CYP39A1: variants seen among roughly 807,000 people sequenced by gnomAD.
The protein encoded by CYP39A1 is cytochrome P450 family 39 subfamily A member 1, also known as 24-hydroxycholesterol 7-alpha-hydroxylase.
A neutral mutation model predicts 58.1 loss-of-function variants in CYP39A1; 49 were observed. The ratio of observed to expected loss-of-function variants is 0.84; its 90% CI spans 0.67 to 1.07. CYP39A1 has a LOEUF of 1.07. Ranked by LOEUF, CYP39A1 falls within the 50% of genes least tolerant of loss-of-function variation. The probability of loss-of-function intolerance (pLI) is 0.00; values close to 1 mark genes in which losing one functional copy is unlikely to be tolerated. For missense variants in CYP39A1, 531 were observed against 539.4 expected, an observed-to-expected ratio of 0.98 and a Z score of 0.16; for synonymous variants, 209 against 187.6, an observed-to-expected ratio of 1.11 and a Z score of -0.93.
intron 1 of CYP39A1, among the ~76,000 whole-genome samples, chr6:46,646,554 G>A (rs961892892): frequency 6.6e-6 from 1 of 152,018 alleles, no homozygotes; most frequent in Admixed American, 6.6e-5. Flanking sequence ...TGTGGTTTGA[G>A]ATCAAGGTAA....
chr6:46,604,203 C>T (rs1445781073), intron 7 of CYP39A1, among the ~76,000 whole-genome samples: 13 of 152,182 alleles, frequency 8.5e-5, no homozygotes, highest in Admixed American at 8.5e-4. Context: ...AATCAATTCC[C>T]TGATACTCAA....
intron 10 of CYP39A1, chr6:46,583,560 C>A: frequency 1.3e-5 from 13 of 985,392 alleles, no homozygotes; most frequent in Non-Finnish European, 1.6e-5. Context: ...GTGGTTCATG[C>A]TGCTCTTTCC....
intron 7 of CYP39A1, among the ~76,000 whole-genome samples, chr6:46,616,928 G>T (rs1426168792): frequency 6.6e-6 from 1 of 152,144 alleles, no homozygotes; most frequent in African/African-American, 2.4e-5. Flanking sequence ...TGGAGAAAGA[G>T]AAGTTGAACC....
chr6:46,550,090 C>T lies in CYP39A1; in HGVS notation c.*276G>A. The T allele has an allele frequency of 3.3e-6, 1 of 299,148 alleles. No homozygotes were observed. The highest frequency in any genetic ancestry group is 5.6e-5 in the East Asian group (1 of 17,824). The allele number at this position is 299,148 out of a possible 1,614,324, so 18.5% of individuals were successfully genotyped here. On this transcript the variant is annotated 3_prime_UTR_variant, in exon 12 of 12. Transcript: ENST00000275016. ...GTTTTAATACAGTTATGCATGAAAT[C>T]AAATTCCAACTTCTTAAAAAATGTG...
intron 4 of CYP39A1, among the ~76,000 whole-genome samples, chr6:46,636,770 A>C (rs966246007): frequency 6.6e-6 from 1 of 152,200 alleles, no homozygotes; most frequent in East Asian, 1.9e-4. Flanking sequence ...GTCTGCCTTT[A>C]CTGTGGCTGC....
At chr6:46,646,292 C>T (rs1274814262) in intron 1 of CYP39A1, among the ~76,000 whole-genome samples, 1 of 151,888 alleles carries the variant, frequency 6.6e-6, no homozygotes, top group East Asian at 1.9e-4. Flanking sequence ...GGAAATTTCC[C>T]TCTATCATGA....
In CYP39A1 at chr6:46,652,809, G is replaced by GA. The variant is rs1474645685; in HGVS notation, c.-228dup. 6.0e-6 allele frequency: 3 copies of GA among 499,172 alleles called. No individual in the cohort carries two copies. The highest frequency in any genetic ancestry group is 2.0e-5 in the African/African-American group (1 of 50,592). The allele number at this position is 499,172 out of a possible 1,614,324, so 30.9% of individuals were successfully genotyped here. A position where few individuals can be genotyped will look rare whatever the true frequency, so the allele number is the denominator to read the frequency against. Reference sequence around the variant, plus strand: ...TTCTCTTTGAATCTCAGCCAGCGCGGAAAAAATGCAAGGAGGGGCAGGGCC... The same window carrying GA: ...TTCTCTTTGAATCTCAGCCAGCGCGGAAAAAAATGCAAGGAGGGGCAGGGCC... On this transcript the variant is annotated 5_prime_UTR_variant, in exon 1 of 12. Coordinates refer to ENST00000275016, the MANE Select transcript of CYP39A1 (RefSeq NM_016593.5).
At position 46,550,266 on chromosome 6, in the gene CYP39A1, G is replaced by C; in HGVS notation, c.*100C>G. 1.1e-6 allele frequency: 1 copy of C among 877,818 alleles called. No individual in the cohort carries two copies. 54.4% of individuals were successfully genotyped at this position (877,818 alleles called of 1,614,324 possible). On this transcript the variant is annotated 3_prime_UTR_variant, in exon 12 of 12. Coordinates refer to ENST00000275016, the MANE Select transcript of CYP39A1 (RefSeq NM_016593.5). ...TTCTTGAACTAAGTCCTAAAACAAA[G>C]TGAAGCAGTGTGTTTTTGTAGAGCT...
intron 8 of CYP39A1, among the ~76,000 whole-genome samples, chr6:46,590,208 T>A (rs1772747918): frequency 6.6e-6 from 1 of 152,144 alleles, no homozygotes; most frequent in African/African-American, 2.4e-5. Flanking sequence ...CACAGATCAC[T>A]AGCAAAGGGA....
At chr6:46,645,573 T>G (rs1267706718) in intron 1 of CYP39A1, among the ~76,000 whole-genome samples, 3 of 152,200 alleles carry the variant, frequency 2.0e-5, no homozygotes, top group African/African-American at 7.2e-5. Context: ...TCATCTTGAT[T>G]AATAATAGGC....
intron 10 of CYP39A1, among the ~76,000 whole-genome samples, chr6:46,572,547 G>A (rs1456723734): frequency 6.6e-6 from 1 of 152,086 alleles, no homozygotes; most frequent in African/African-American, 2.4e-5. Flanking sequence ...TTTTATAAAG[G>A]TTCTCTTGTA....
chr6:46,612,880 T>C (rs1374353051), intron 7 of CYP39A1, among the ~76,000 whole-genome samples: 1 of 152,196 alleles, frequency 6.6e-6, no homozygotes, highest in Non-Finnish European at 1.5e-5. Context: ...GTAGTGAGCA[T>C]GAGCTTAAGT....
At chr6:46,596,786 T>C (rs1338370272) in intron 7 of CYP39A1, among the ~76,000 whole-genome samples, 4 of 152,128 alleles carry the variant, frequency 2.6e-5, no homozygotes, top group Non-Finnish European at 4.4e-5. Context: ...CTTTGTACCA[T>C]CTAAAGTAAT....
chr6:46,557,517 C>T (rs1770719175), intron 10 of CYP39A1, among the ~76,000 whole-genome samples: 1 of 151,760 alleles, frequency 6.6e-6, no homozygotes, highest in South Asian at 2.1e-4. Context: ...GTGGTGTGTG[C>T]CTGTAATCCC....
chr6:46,630,690 T>C (rs1775604463), intron 6 of CYP39A1, among the ~76,000 whole-genome samples: 1 of 152,226 alleles, frequency 6.6e-6, no homozygotes, highest in South Asian at 2.1e-4. Flanking sequence ...TGTCTACAAC[T>C]GGCCCCAAAG....
At chr6:46,620,006 A>C (rs570178687) in intron 7 of CYP39A1, among the ~76,000 whole-genome samples, 1 of 152,314 alleles carries the variant, frequency 6.6e-6, no homozygotes, top group South Asian at 2.1e-4. Flanking sequence ...TTCCCTCCTT[A>C]AAAGCAATAA....
chr6:46,644,949 C>A (rs1461114272), intron 1 of CYP39A1, among the ~76,000 whole-genome samples: 2 of 152,122 alleles, frequency 1.3e-5, no homozygotes, highest in Non-Finnish European at 2.9e-5. Context: ...TTCATTGATA[C>A]ATCTTGTGTA....
intron 10 of CYP39A1, among the ~76,000 whole-genome samples, chr6:46,579,286 A>C (rs1189398898): frequency 2.0e-5 from 3 of 152,152 alleles, no homozygotes; most frequent in Non-Finnish European, 4.4e-5. Context: ...GATGCAGAAA[A>C]GGCCTTCGAT....
intron 7 of CYP39A1, among the ~76,000 whole-genome samples, chr6:46,614,265 T>C (rs1368026834): frequency 6.6e-6 from 1 of 152,120 alleles, no homozygotes; most frequent in Non-Finnish European, 1.5e-5. Flanking sequence ...ATACATCCTC[T>C]CTAAATAAGG....
Sources: gnomAD v4.1 joint callset for allele counts (sites outside exome capture counted in the v4.1 genomes callset) on GRCh38, gnomAD v4.1.1 for gene constraint, MANE v1.5 for transcripts, NCBI Gene and HGNC (gene_info 2026-07-23, HGNC 2026-07-21) for gene names.